The following PLCE1 variants were observed in gnomAD, a reference collection of about 807,000 sequenced individuals.
The protein encoded by PLCE1 is phospholipase C epsilon 1.
Under a neutral mutation model 242.8 loss-of-function variants are expected in PLCE1, and 119 were observed. The ratio of observed to expected loss-of-function variants is 0.49; its 90% CI spans 0.42 to 0.57. The LOEUF is 0.57. PLCE1 is among the 20% of genes least tolerant of loss of function. PLCE1 has a pLI of 0.00. For missense variants in PLCE1, 2,441 were observed against 2,788.8 expected (o/e 0.88, Z 2.81); for synonymous variants, 945 against 1,017.4 (o/e 0.93, Z 1.35).
intron 2 of PLCE1, among the ~76,000 whole-genome samples, chr10:94,043,842 A>C (rs79126917): frequency 6.6e-6 from 1 of 152,316 alleles, no homozygotes; most frequent in East Asian, 1.9e-4. Flanking sequence ...TTGTGAGGAG[A>C]ATGCCATTAT....
At chr10:94,068,405 T>TAAA (rs10651573) in intron 2 of PLCE1, among the ~76,000 whole-genome samples, 61,540 of 151,854 alleles carry the variant, frequency 0.41, 15,944 homozygotes, top group African/African-American at 0.74. Context: ...AATTCAACAA[T>TAAA]AAATAATACA....
chr10:94,180,225 A>G (rs913133941), intron 4 of PLCE1, among the ~76,000 whole-genome samples: 46 of 152,144 alleles, frequency 3.0e-4, no homozygotes, highest in African/African-American at 1.0e-3. Context: ...TCCTCGCAAT[A>G]GGATTCAGAA....
chr10:94,127,987 C>CTTTTTTT (rs33916545), intron 2 of PLCE1, among the ~76,000 whole-genome samples: 2 of 118,314 alleles, frequency 1.7e-5, no homozygotes, highest in Admixed American at 9.3e-5. Flanking sequence ...AATACCTTGA[C>CTTTTTTT]TTTTTTTTTT....
rs1161540437 is a variant in PLCE1, at chr10:94,025,362, T to TG, written c.-364-5315dup. ...CTACTGAGGAAATGAGAACAGATTT[T>TG]GGGGGGAAATTAGGAGTCTCTGCCA... On this transcript the variant is annotated intron_variant, in intron 1 of 32. Transcript: ENST00000371380. Among the ~76,000 whole-genome samples, 8 of 152,236 alleles carry TG rather than the reference T, an allele frequency of 5.3e-5. No individual in the cohort carries two copies. The East Asian group carries it at 1.4e-3, about 26-fold the overall frequency.
chr10:94,148,046 A>G (rs2047166926), intron 3 of PLCE1, among the ~76,000 whole-genome samples: 1 of 152,170 alleles, frequency 6.6e-6, no homozygotes, highest in Non-Finnish European at 1.5e-5. Flanking sequence ...TCCCAGATCA[A>G]CCATATAGAA....
At chr10:94,228,210 T>C (rs1166093867) in intron 5 of PLCE1, among the ~76,000 whole-genome samples, 1 of 142,650 alleles carries the variant, frequency 7.0e-6, no homozygotes, top group Non-Finnish European at 1.5e-5. Context: ...TATCCCCTTT[T>C]AGCCTCAGCT....
chr10:94,245,763 C>T (rs1258822420), intron 7 of PLCE1, among the ~76,000 whole-genome samples, 183 bp from the exon 8 acceptor site: 1 of 152,174 alleles, frequency 6.6e-6, no homozygotes, highest in Non-Finnish European at 1.5e-5. Context: ...GGATTACAGG[C>T]GTAAGCCACC....
chr10:94,166,484 G>C (rs949507651), intron 3 of PLCE1, among the ~76,000 whole-genome samples: 12 of 152,128 alleles, frequency 7.9e-5, no homozygotes, highest in Admixed American at 5.2e-4. Flanking sequence ...AGGTTGCTCA[G>C]CTGGCTTGGG....
chr10:94,308,429 C>G, intron 26 of PLCE1, 152 bp from the exon 27 acceptor site: 2 of 756,180 alleles, frequency 2.6e-6, no homozygotes, highest in Non-Finnish European at 4.8e-6. Context: ...GGGGGCAGCA[C>G]TCTCTTGGCG....
intron 4 of PLCE1, among the ~76,000 whole-genome samples, chr10:94,192,877 C>T (rs1449844098): frequency 6.7e-6 from 1 of 149,348 alleles, no homozygotes; most frequent in Non-Finnish European, 1.5e-5. Flanking sequence ...ACGGCCATCC[C>T]ATCTGGAACG....
intron 2 of PLCE1, among the ~76,000 whole-genome samples, chr10:94,090,223 T>C (rs574812965): frequency 2.0e-5 from 3 of 152,274 alleles, no homozygotes; most frequent in South Asian, 2.1e-4. Flanking sequence ...GAAAACTGTT[T>C]TGTTTCTCTG....
At chr10:94,321,683 T>C (rs947029727) in intron 29 of PLCE1, among the ~76,000 whole-genome samples, 4 of 151,596 alleles carry the variant, frequency 2.6e-5, no homozygotes, top group African/African-American at 9.7e-5. Context: ...TGGCTTGTTA[T>C]GGATCTATCA....
At chr10:94,284,282 G>T (rs1281646433) in intron 21 of PLCE1, among the ~76,000 whole-genome samples, 1 of 152,200 alleles carries the variant, frequency 6.6e-6, no homozygotes. Context: ...TCAGAAGGAA[G>T]ATTTGGCTAA....
chr10:94,297,243 A>G (rs1352014814), intron 23 of PLCE1, among the ~76,000 whole-genome samples: 1 of 151,918 alleles, frequency 6.6e-6, no homozygotes, highest in Non-Finnish European at 1.5e-5. Flanking sequence ...TAGGGTTATT[A>G]ATTGGCCTCA....
chr10:94,294,948 C>A, intron 23 of PLCE1, among the ~76,000 whole-genome samples: 1 of 124,920 alleles, frequency 8.0e-6, no homozygotes, highest in Admixed American at 9.7e-5. Flanking sequence ...CGGAGTCTTG[C>A]TCTGTCACCC....
intron 13 of PLCE1, among the ~76,000 whole-genome samples, chr10:94,260,796 A>G (rs2051270129): frequency 6.6e-6 from 1 of 152,044 alleles, no homozygotes; most frequent in African/African-American, 2.4e-5. Context: ...CCCAAAGTGC[A>G]GGGATCTTAG....
At chr10:94,283,576 T>C (rs2052327858) in intron 20 of PLCE1, 2 of 444,146 alleles carry the variant, frequency 4.5e-6, no homozygotes, top group East Asian at 4.8e-5. Context: ...TGACAAAAAC[T>C]ACTGGTAAAT....
At chr10:94,154,755 C>G (rs181247362) in intron 3 of PLCE1, among the ~76,000 whole-genome samples, 20 of 151,904 alleles carry the variant, frequency 1.3e-4, no homozygotes, top group African/African-American at 3.1e-4. Context: ...CCATAAAGTA[C>G]AGGACGGGCA....
chr10:94,133,129 A>T (rs1179267679), intron 3 of PLCE1, among the ~76,000 whole-genome samples: 1 of 152,182 alleles, frequency 6.6e-6, no homozygotes, highest in Admixed American at 6.6e-5. Context: ...AAGCAGTCAT[A>T]TTGAAAACCC....
Sources: allele counts gnomAD v4.1 joint callset (sites outside exome capture counted in the v4.1 genomes callset), GRCh38; gene constraint gnomAD v4.1.1; transcripts MANE v1.5; gene names NCBI Gene and HGNC (gene_info 2026-07-23, HGNC 2026-07-21).